The following ALAS1 variants were observed in gnomAD, a reference collection of about 807,000 sequenced individuals.
ALAS1 encodes 5'-aminolevulinate synthase 1, also known as 5-aminolevulinate synthase, non-specific, mitochondrial.
A neutral mutation model predicts 59.6 loss-of-function variants in ALAS1; 29 were observed. The observed-to-expected ratio is 0.49, with a 90% CI of 0.36 to 0.66. The LOEUF is 0.66. Among genes scored for constraint, ALAS1 ranks in the 30% least tolerant of loss-of-function variants. ALAS1 has a pLI of 0.00. For missense variants in ALAS1, 690 were observed against 807.5 expected, an observed-to-expected ratio of 0.85 and a Z score of 1.76; for synonymous variants, 299 against 296.6, an observed-to-expected ratio of 1.01 and a Z score of -0.08.
In ALAS1 at chr3:52,211,289, C is replaced by T; in HGVS notation, c.1337C>T (p.Ala446Val). Residue 446 changes from alanine (A) to valine (V), a missense_variant, in exon 10 of 12, where the codon GCC (alanine) becomes GTC (valine). Transcript: ENST00000484952. ...MDIISGTLGK[A>V]FGCVGGYIAS... is the part of the protein sequence containing the mutation. ...TGAAGCTATCTCCTCCCAGGCAAAG[C>T]CTTTGGTTGTGTTGGAGGGTACATC... is the stretch of plus-strand genomic sequence containing the variant. 1 of 1,613,236 alleles carries T rather than the reference C, an allele frequency of 6.2e-7. No homozygotes were observed. The highest frequency in any genetic ancestry group is 8.5e-7 in the Non-Finnish European group (1 of 1,179,324).
rs1295254763 is a variant in ALAS1, at chr3:52,205,866, G to A, written c.828G>A (p.Gly276=). The change falls in exon 7 of 12, where the codon GGG becomes GGA. Residue 276 remains glycine, a synonymous_variant. Transcript: ENST00000484952. ...ACACTTTGAAACAACATGGTGCTGG[G>A]GCAGGTGGTACTAGAAATATTTCTG... The part of the protein sequence containing the change: ...VMDTLKQHGA[G]AGGTRNISGT... The A allele has an allele frequency of 1.9e-6, 3 of 1,613,728 alleles. No homozygotes were observed. In the African/African-American group the frequency reaches 4.0e-5, roughly 22 times the overall value.
chr3:52,211,260 T>C (rs1462191377), intron 9 of ALAS1, 23 bp from the exon 10 acceptor site: 3 of 1,607,146 alleles, frequency 1.9e-6, no homozygotes, highest in Non-Finnish European at 1.7e-6. Context: ...GTTGCTGTAA[T>C]TAATGAAGCT....
At chr3:52,201,690 A>C (rs1483055542) in intron 3 of ALAS1, among the ~76,000 whole-genome samples, 1 of 152,220 alleles carries the variant, frequency 6.6e-6, no homozygotes, top group Admixed American at 6.5e-5. Context: ...CCTGGAGGTC[A>C]AAGCTGCAGT....
chr3:52,206,347 T>G (rs900001311), intron 7 of ALAS1, among the ~76,000 whole-genome samples: 3 of 152,200 alleles, frequency 2.0e-5, no homozygotes, highest in Non-Finnish European at 2.9e-5. Flanking sequence ...GCAGTCAGAT[T>G]TAAGAGCAGA....
In ALAS1 at chr3:52,211,427, T is replaced by C. The variant is rs1699404394; in HGVS notation, c.1475T>C (p.Leu492Pro). The change falls in exon 10 of 12, where the codon CTG (leucine) becomes CCG (proline). Residue 492 changes from leucine (L) to proline (P), a missense_variant. Leu to Pro is a moderately conservative substitution (Grantham distance 98, BLOSUM62 -3). Coordinates refer to ENST00000484952, the MANE Select transcript of ALAS1 (RefSeq NM_000688.6). Reference protein sequence around the residue: ...LAGALESVRILKSAEGRVLRR... With the variant: ...LAGALESVRIPKSAEGRVLRR... The stretch of plus-strand genomic sequence containing the variant: ...GGAGCCCTGGAGTCTGTGCGGATCC[T>C]GAAGAGCGCTGAGGGACGGGTGCTT... 1 of 1,614,098 alleles carries C rather than the reference T, an allele frequency of 6.2e-7. No homozygotes were observed. Among genetic ancestry groups the C allele is most frequent in the Non-Finnish European group, 8.5e-7 (1 of 1,180,036 alleles).
intron 8 of ALAS1, 44 bp downstream of exon 8, chr3:52,206,795 T>C (rs1421458637): frequency 1.3e-6 from 2 of 1,589,548 alleles, no homozygotes; most frequent in Admixed American, 3.4e-5. Flanking sequence ...GATGAAAAAC[T>C]ATGCCTGAAC....
At chr3:52,210,275 A>C (rs1180546845) in intron 9 of ALAS1, among the ~76,000 whole-genome samples, 2 of 152,178 alleles carry the variant, frequency 1.3e-5, no homozygotes, top group East Asian at 3.9e-4. Context: ...GCTGGCTGTC[A>C]GAGCAGCAAG....
At chr3:52,204,049 A>T in intron 5 of ALAS1, 37 bp downstream of exon 5, 1 of 1,573,336 alleles carries the variant, frequency 6.4e-7, no homozygotes, top group Non-Finnish European at 8.7e-7. Context: ...GTAGAAAAGA[A>T]TTTATAATTC....
chr3:52,212,498 C>A (rs1473586479), intron 11 of ALAS1, 78 bp downstream of exon 11: 1 of 1,536,066 alleles, frequency 6.5e-7, no homozygotes, highest in African/African-American at 1.4e-5. Context: ...AATTGAAGCC[C>A]TTCAGAGGCA....
Position 52,203,847 on chromosome 3 carries a change from G to C in ALAS1, c.428-16G>C, listed in dbSNP as rs1221349713. 2 of 1,561,590 alleles carry C rather than the reference G, an allele frequency of 1.3e-6. No homozygotes were observed. The highest frequency in any genetic ancestry group is 2.4e-5 in the South Asian group (2 of 84,674). ...AGAAAGTTGGTCCCATTTGTTTCTT[G>C]TTACTTTTGTTCCAGAGGTTGCTGA... On this transcript the variant is annotated splice_polypyrimidine_tract_variant and intron_variant, in intron 4 of 11. Transcript: ENST00000484952.
chr3:52,200,105 C>T (rs2107261563), intron 3 of ALAS1, among the ~76,000 whole-genome samples: 1 of 152,282 alleles, frequency 6.6e-6, no homozygotes, highest in African/African-American at 2.4e-5. Flanking sequence ...CGTGAGCCAC[C>T]GTGCCCGGCC....
chr3:52,214,033 C>A lies in ALAS1; in HGVS notation c.1776C>A (p.Val592=). 6.2e-7 allele frequency: 1 copy of A among 1,606,348 alleles called. No individual in the cohort carries two copies. Among genetic ancestry groups the A allele is most frequent in the South Asian group, 1.1e-5 (1 of 90,884 alleles). The change falls in exon 12 of 12, where the codon GTC becomes GTA. Residue 592 remains valine, a synonymous_variant. Transcript: ENST00000484952. ...GTTTCTCCTCAGAGAATCTGCTAGT[C>A]ACATGGAAGCAAGTGGGGCTGGAAC... The part of the protein sequence containing the change: ...MMNYFLENLL[V]TWKQVGLELK...
rs1306073755 is a variant in ALAS1 at position 52,205,938 on chromosome 3, C to G, written c.900C>G (p.Leu300=). 6.2e-7 allele frequency: 1 copy of G among 1,614,050 alleles called. No individual in the cohort carries two copies. Among genetic ancestry groups the G allele is most frequent in the Non-Finnish European group, 8.5e-7 (1 of 1,180,030 alleles). ...HVDLERELAD[L]HGKDAALLFS... Reference sequence around the variant, plus strand: ...ACTTAGAGCGGGAGCTGGCAGACCTCCATGGGAAAGATGCCGCACTCTTGT... The same window carrying G: ...ACTTAGAGCGGGAGCTGGCAGACCTGCATGGGAAAGATGCCGCACTCTTGT... Residue 300 remains leucine, a synonymous_variant, in exon 7 of 12, where the codon CTC becomes CTG. Coordinates refer to ENST00000484952, the MANE Select transcript of ALAS1 (RefSeq NM_000688.6).
chr3:52,202,895 A>ACT (rs1699216931), intron 4 of ALAS1, among the ~76,000 whole-genome samples, 161 bp downstream of exon 4: 1 of 152,070 alleles, frequency 6.6e-6, no homozygotes, highest in Non-Finnish European at 1.5e-5. Flanking sequence ...CAGTCAAGGG[A>ACT]CTGTATTGCG....
chr3:52,203,060 T>C (rs1305582499), intron 4 of ALAS1, among the ~76,000 whole-genome samples: 3 of 152,072 alleles, frequency 2.0e-5, no homozygotes, highest in African/African-American at 4.8e-5. Context: ...AGATAGAAAA[T>C]AATGGTTTTA....
rs148466635 is a variant in ALAS1 at position 52,207,716 on chromosome 3, T to C, written c.1166-367T>C. On this transcript the variant is annotated intron_variant, in intron 8 of 11. Coordinates refer to ENST00000484952, the MANE Select transcript of ALAS1 (RefSeq NM_000688.6). ...GTTCTCAGTGTTTAGCTCCCACTTA[T>C]AAGTGAGAGCGATATTTGGTTTTTC... 2.3e-3 allele frequency among the ~76,000 whole-genome samples: 347 copies of C among 152,290 alleles called. 2 individuals are homozygous for C. Among genetic ancestry groups the C allele is most frequent in the African/African-American group, 6.4e-3 (266 of 41,556 alleles).
Position 52,214,158 on chromosome 3 carries a change from A to G in ALAS1, c.1901A>G (p.Lys634Arg). The G allele has an allele frequency of 1.9e-6, 3 of 1,612,318 alleles. No individual in the cohort carries two copies. Among genetic ancestry groups the G allele is most frequent in the East Asian group, 2.2e-5 (1 of 44,844 alleles). ...AAGTCCTATTTCTCAGGCTTGAGCAAGTTGGTATCTGCTCAGGCCTGAGCA... is the reference window on the plus strand; with the variant it reads ...AAGTCCTATTTCTCAGGCTTGAGCAGGTTGGTATCTGCTCAGGCCTGAGCA... ...REKSYFSGLSKLVSAQA is the reference protein window; with the variant it reads ...REKSYFSGLSRLVSAQA Residue 634 changes from lysine to arginine, a missense_variant, in exon 12 of 12, where the codon AAG becomes AGG. Coordinates refer to ENST00000484952, the MANE Select transcript of ALAS1 (RefSeq NM_000688.6).
intron 6 of ALAS1, among the ~76,000 whole-genome samples, chr3:52,205,407 C>T (rs1001983235): frequency 2.6e-5 from 4 of 152,068 alleles, no homozygotes; most frequent in Admixed American, 1.3e-4. Flanking sequence ...AAGAGGGTCC[C>T]GGTTTGAGGT....
At chr3:52,204,620 C>T in intron 5 of ALAS1, 73 bp from the exon 6 acceptor site, 2 of 1,291,532 alleles carry the variant, frequency 1.5e-6, no homozygotes, top group South Asian at 1.3e-5. Context: ...CAAGCTGAGA[C>T]TTGTTGTATT....
Sources: allele counts gnomAD v4.1 joint callset (sites outside exome capture counted in the v4.1 genomes callset), GRCh38; gene constraint gnomAD v4.1.1; transcripts MANE v1.5; gene names NCBI Gene and HGNC (gene_info 2026-07-23, HGNC 2026-07-21).